Variants in R3HCC1L observed in about 807,000 individuals in gnomAD.
The protein encoded by R3HCC1L is coiled-coil domain-containing protein R3HCC1L.
In R3HCC1L, 51 loss-of-function variants were observed where a neutral mutation model predicts 59.9. The observed-to-expected ratio is 0.85, with a 90% CI of 0.68 to 1.07. R3HCC1L has a LOEUF of 1.07. R3HCC1L is among the 50% of genes least tolerant of loss of function. R3HCC1L has a pLI of 0.00. For missense variants in R3HCC1L, 965 were observed against 933.0 expected, an observed-to-expected ratio of 1.03 and a Z score of -0.45; for synonymous variants, 322 against 315.2, an observed-to-expected ratio of 1.02 and a Z score of -0.23.
At chr10:98,177,550 A>G (rs895927660) in intron 4 of R3HCC1L, among the ~76,000 whole-genome samples, 5 of 152,222 alleles carry the variant, frequency 3.3e-5, no homozygotes, top group Non-Finnish European at 7.3e-5. Flanking sequence ...ATTCCCAGGA[A>G]TGGGATGGCT....
At chr10:98,206,594 T>A (rs113267091) in intron 4 of R3HCC1L, among the ~76,000 whole-genome samples, 161 of 28,436 alleles carry the variant, frequency 5.7e-3, no homozygotes, top group Middle Eastern at 0.028. Context: ...AATTCATTTC[T>A]ACCCATTATT....
intron 4 of R3HCC1L, among the ~76,000 whole-genome samples, chr10:98,177,251 A>G (rs987628421): frequency 3.9e-5 from 6 of 152,026 alleles, no homozygotes; most frequent in South Asian, 2.1e-4. Context: ...TCATTGTTCA[A>G]TTCCCACCTA....
At chr10:98,222,814 A>G (rs1855189530) in intron 5 of R3HCC1L, among the ~76,000 whole-genome samples, 1 of 152,162 alleles carries the variant, frequency 6.6e-6, no homozygotes, top group South Asian at 2.1e-4. Context: ...AGAAAAAAAG[A>G]GAGAAGAATC....
In R3HCC1L at chr10:98,231,575, G is replaced by A; in HGVS notation, c.1849G>A (p.Glu617Lys). 6.2e-7 allele frequency: 1 copy of A among 1,612,726 alleles called. No homozygotes were observed. Among genetic ancestry groups the A allele is most frequent in the East Asian group, 2.2e-5 (1 of 44,854 alleles). Residue 617 changes from glutamate to lysine, a missense_variant, in exon 6 of 10, where the codon GAA becomes AAA. Coordinates refer to ENST00000298999, the MANE Select transcript of R3HCC1L (RefSeq NM_001351015.2). ...QEPRSDYYNHEVPDIDLSDCE... is the reference protein window; with the variant it reads ...QEPRSDYYNHKVPDIDLSDCE... Reference sequence around the variant, plus strand: ...ACCTAGATCTGATTACTACAATCATGAAGTTCCTGATATTGACCTCAGTGA... The same window carrying A: ...ACCTAGATCTGATTACTACAATCATAAAGTTCCTGATATTGACCTCAGTGA...
chr10:98,237,039 T>C (rs1254241932), intron 9 of R3HCC1L, among the ~76,000 whole-genome samples: 5 of 152,232 alleles, frequency 3.3e-5, no homozygotes, highest in Admixed American at 2.6e-4. Context: ...TAATACGTCC[T>C]GTCCTCTCTG....
intron 2 of R3HCC1L, among the ~76,000 whole-genome samples, chr10:98,162,083 T>G (rs1847472472): frequency 6.6e-6 from 1 of 152,212 alleles, no homozygotes. Flanking sequence ...TCTTCGTATT[T>G]AACTCCTCGA....
rs575191737 is a variant in R3HCC1L, at chr10:98,173,789, A to G, written c.-15+10392A>G. Among the ~76,000 whole-genome samples, 49 of 152,100 alleles carry G rather than the reference A, an allele frequency of 3.2e-4. 1 individual carries two copies. The highest frequency in any genetic ancestry group is 2.4e-3 in the Admixed American group (36 of 15,276). On this transcript the variant is annotated intron_variant, in intron 4 of 9. Transcript: ENST00000298999. The stretch of plus-strand genomic sequence containing the variant: ...CTCCCCATAAGCTATCTATCTCCAT[A>G]ATTGCTTGTGGATGCATATTTATTG...
intron 4 of R3HCC1L, among the ~76,000 whole-genome samples, chr10:98,176,156 A>G (rs1848997403): frequency 6.6e-6 from 1 of 152,102 alleles, no homozygotes; most frequent in Non-Finnish European, 1.5e-5. Flanking sequence ...CTCCAATGTG[A>G]CACTTACCTG....
intron 5 of R3HCC1L, among the ~76,000 whole-genome samples, chr10:98,223,849 G>T (rs1335105979): frequency 6.6e-6 from 1 of 152,126 alleles, no homozygotes; most frequent in Non-Finnish European, 1.5e-5. Context: ...AGGCCTCCAG[G>T]CATTTTACTT....
chr10:98,216,018 A>G (rs1854156883), intron 5 of R3HCC1L, among the ~76,000 whole-genome samples: 1 of 152,192 alleles, frequency 6.6e-6, no homozygotes, highest in Admixed American at 6.5e-5. Context: ...AGCTTGTGAA[A>G]AACAGAATCA....
chr10:98,231,603 G>T lies in R3HCC1L; in HGVS notation c.1877G>T (p.Cys626Phe), dbSNP rs963160903. Residue 626 changes from cysteine to phenylalanine, a missense_variant, in exon 6 of 10, where the codon TGT becomes TTT. Coordinates refer to ENST00000298999, the MANE Select transcript of R3HCC1L (RefSeq NM_001351015.2). ...HEVPDIDLSD[C>F]EFPHVIEIYD... is the part of the protein sequence containing the mutation. ...GTTCCTGATATTGACCTCAGTGATTGTGAATTCCCACATGTCATTGAAATT... is the reference window on the plus strand; with the variant it reads ...GTTCCTGATATTGACCTCAGTGATTTTGAATTCCCACATGTCATTGAAATT... 2 of 1,612,368 alleles carry T rather than the reference G, an allele frequency of 1.2e-6. No homozygotes were observed. The highest frequency in any genetic ancestry group is 1.7e-6 in the Non-Finnish European group (2 of 1,178,614).
chr10:98,229,047 G>A (rs1414813601), intron 5 of R3HCC1L, among the ~76,000 whole-genome samples: 1 of 152,058 alleles, frequency 6.6e-6, no homozygotes, highest in Non-Finnish European at 1.5e-5. Flanking sequence ...TTTTGGCTTA[G>A]GATTGACTTG....
chr10:98,239,782 C>T (rs374971241), intron 9 of R3HCC1L, among the ~76,000 whole-genome samples: 5 of 152,268 alleles, frequency 3.3e-5, no homozygotes, highest in South Asian at 4.1e-4. Flanking sequence ...TCTGCAGCCT[C>T]AACGTCCCAG....
At chr10:98,145,031 T>C (rs769440636) in intron 1 of R3HCC1L, among the ~76,000 whole-genome samples, 5 of 152,210 alleles carry the variant, frequency 3.3e-5, no homozygotes, top group Non-Finnish European at 7.3e-5. Flanking sequence ...GGAGATAGGA[T>C]TTGTTAAGTT....
chr10:98,174,966 T>C (rs115438321), intron 4 of R3HCC1L, among the ~76,000 whole-genome samples: 1 of 152,156 alleles, frequency 6.6e-6, no homozygotes, highest in African/African-American at 2.4e-5. Context: ...AAAAATATAG[T>C]TTTCTGTATC....
At chr10:98,224,010 C>T (rs548462138) in intron 5 of R3HCC1L, among the ~76,000 whole-genome samples, 15 of 152,122 alleles carry the variant, frequency 9.9e-5, no homozygotes, top group Non-Finnish European at 1.8e-4. Context: ...GGGGTTGTGG[C>T]GGGTCAATCT....
intron 5 of R3HCC1L, among the ~76,000 whole-genome samples, chr10:98,216,180 T>G (rs1854179638): frequency 6.6e-6 from 1 of 152,186 alleles, no homozygotes; most frequent in Non-Finnish European, 1.5e-5. Flanking sequence ...ATCAATTTTT[T>G]TCCCCCAATT....
chr10:98,172,395 C>T (rs1848601467), intron 4 of R3HCC1L, among the ~76,000 whole-genome samples: 1 of 152,148 alleles, frequency 6.6e-6, no homozygotes, highest in South Asian at 2.1e-4. Context: ...TAGCGTGGTT[C>T]ATGACAGCAA....
At chr10:98,216,096 T>C (rs1004142245) in intron 5 of R3HCC1L, among the ~76,000 whole-genome samples, 1 of 152,250 alleles carries the variant, frequency 6.6e-6, no homozygotes, top group Non-Finnish European at 1.5e-5. Context: ...GTTTTCTTTT[T>C]ATAATTTATT....
Sources: allele counts gnomAD v4.1 joint callset (sites outside exome capture counted in the v4.1 genomes callset), GRCh38; gene constraint gnomAD v4.1.1; transcripts MANE v1.5; gene names NCBI Gene and HGNC (gene_info 2026-07-23, HGNC 2026-07-21).